Variants in CSF2RA observed in about 807,000 individuals in gnomAD.
CSF2RA encodes granulocyte-macrophage colony-stimulating factor receptor subunit alpha.
CSF2RA carries 42 observed loss-of-function variants against 51.6 expected under a neutral mutation model. The ratio of observed to expected loss-of-function variants is 0.81; its 90% CI spans 0.64 to 1.05. The LOEUF is 1.05. Ranked by LOEUF, CSF2RA falls within the 50% of genes least tolerant of loss-of-function variation. The pLI, the probability that CSF2RA is intolerant of heterozygous loss-of-function variation, is 0.00. For missense variants in CSF2RA, 530 were observed against 501.1 expected (o/e 1.06, Z -0.55); for synonymous variants, 222 against 193.0 (o/e 1.15, Z -1.24).
chrX:1,319,682 C>A, the CSF2RA span, among the ~76,000 whole-genome samples: 1 of 144,860 alleles, frequency 6.9e-6, no homozygotes, highest in Non-Finnish European at 1.5e-5. Flanking sequence ...TCCCAAAGTT[C>A]TGGAATTACA....
chrX:1,323,123 C>T, the CSF2RA span, among the ~76,000 whole-genome samples: 40 of 96,634 alleles, frequency 4.1e-4, no homozygotes, highest in African/African-American at 1.2e-3. Flanking sequence ...AGCGAGATTC[C>T]GTCTCAAAAA....
the CSF2RA span, among the ~76,000 whole-genome samples, chrX:1,315,546 C>T: frequency 2.5e-4 from 38 of 151,822 alleles, no homozygotes; most frequent in African/African-American, 7.5e-4. Flanking sequence ...TGAGATTACA[C>T]GTGTGCACCA....
chrX:1,292,793 C>T (rs1458596271), intron 7 of CSF2RA, among the ~76,000 whole-genome samples: 2 of 152,098 alleles, frequency 1.3e-5, no homozygotes, highest in African/African-American at 2.4e-5. Flanking sequence ...AGACGGAGGG[C>T]TTCCTCTTAT....
chrX:1,323,870 C>T, the CSF2RA span, among the ~76,000 whole-genome samples: 20 of 151,800 alleles, frequency 1.3e-4, no homozygotes, highest in East Asian at 3.9e-4. Context: ...AAAAATTAGC[C>T]GGGCGTGGTG....
At chrX:1,314,569 C>A (rs867364273), downstream of CSF2RA, among the ~76,000 whole-genome samples, 10 of 73,076 alleles carry the variant, frequency 1.4e-4, 1 homozygote, top group East Asian at 4.8e-4. Flanking sequence ...CCCAATCCCA[C>A]TGCACCTGCC....
At chrX:1,305,234 G>T (rs1467027820) in intron 11 of CSF2RA, among the ~76,000 whole-genome samples, 7 of 151,914 alleles carry the variant, frequency 4.6e-5, no homozygotes, top group Admixed American at 2.0e-4. Context: ...TGATCCACCC[G>T]CCTCGGCCTC....
intron 11 of CSF2RA, among the ~76,000 whole-genome samples, chrX:1,304,568 G>A (rs1203587255): frequency 6.6e-6 from 1 of 151,872 alleles, no homozygotes; most frequent in East Asian, 2.0e-4. Context: ...TGCTGTTGAA[G>A]GGCTGAGCTC....
chrX:1,276,590 T>G (rs1201381762), intron 2 of CSF2RA, among the ~76,000 whole-genome samples: 5 of 151,974 alleles, frequency 3.3e-5, no homozygotes, highest in Non-Finnish European at 2.9e-5. Context: ...TCCAGGCTGG[T>G]CTTGAACTCC....
chrX:1,314,431 CCGCACTGCACTTGCCCAAT>C (rs2084373050), downstream of CSF2RA, among the ~76,000 whole-genome samples: 2 of 149,684 alleles, frequency 1.3e-5, no homozygotes, highest in African/African-American at 5.0e-5. Context: ...ACCTGCCCAA[CCGCACTGCACTTGCCCAAT>C]TGCACTGCAC....
the CSF2RA span, among the ~76,000 whole-genome samples, chrX:1,319,449 G>A: frequency 1.9e-4 from 29 of 149,194 alleles, 2 homozygotes; most frequent in African/African-American, 6.3e-4. Flanking sequence ...CACCACACCC[G>A]GCTAATTTTT....
chrX:1,271,086 A>G (rs1351501430), intron 1 of CSF2RA, among the ~76,000 whole-genome samples: 3 of 151,912 alleles, frequency 2.0e-5, no homozygotes, highest in Non-Finnish European at 4.4e-5. Flanking sequence ...ATCTTAAGTT[A>G]CCACCCAGAT....
chrX:1,308,044 A>G (rs2083854157), intron 12 of CSF2RA, among the ~76,000 whole-genome samples: 1 of 148,704 alleles, frequency 6.7e-6, no homozygotes. Context: ...ACCCCTCTTC[A>G]GACCTTCAAC....
chrX:1,302,212 G>A (rs144796055), intron 10 of CSF2RA, among the ~76,000 whole-genome samples: 7,125 of 152,146 alleles, frequency 0.047, 337 homozygotes, highest in South Asian at 0.21. Context: ...CACCCTGCCC[G>A]TCCGGGGAAG....
At chrX:1,276,378 A>T (rs2089199115) in intron 2 of CSF2RA, among the ~76,000 whole-genome samples, 1 of 141,786 alleles carries the variant, frequency 7.1e-6, no homozygotes, top group Non-Finnish European at 1.6e-5. Flanking sequence ...TTATTTATTT[A>T]TTTTTAATTT....
At chrX:1,280,826 A>G (rs1301876172) in intron 2 of CSF2RA, among the ~76,000 whole-genome samples, 1 of 134,296 alleles carries the variant, frequency 7.4e-6, no homozygotes, top group Non-Finnish European at 1.5e-5. Context: ...CATACCGAGT[A>G]GCTTCTTTTC....
chrX:1,268,873 C>T lies in CSF2RA; in HGVS notation c.-97C>T, dbSNP rs1354952469. 3 of 453,790 alleles carry T rather than the reference C, an allele frequency of 6.6e-6. No individual in the cohort carries two copies. The highest frequency in any genetic ancestry group is 4.0e-5 in the African/African-American group (2 of 49,922). The allele number at this position is 453,790 out of a possible 1,614,324, so 28.1% of individuals were successfully genotyped here. A position where few individuals can be genotyped will look rare whatever the true frequency, so the allele number is the denominator to read the frequency against. ...AGGTGGAAGGAGAGGAAGCGGATGC[C>T]GTGGGGGTAAGCTAAGTTCTTTCCT... On this transcript the variant is annotated 5_prime_UTR_variant, in exon 1 of 13. Transcript: ENST00000381529.
In CSF2RA at chrX:1,309,560, C is replaced by A; in HGVS notation, c.*81C>A. On this transcript the variant is annotated 3_prime_UTR_variant, in exon 13 of 13. Transcript: ENST00000381529. ...CTGTTTTCTTGATGATGCTGTGAAC[C>A]TTTATATCATTTTCTATGTTTTTAT... 1.2e-6 allele frequency: 2 copies of A among 1,613,962 alleles called. No homozygotes were observed. The highest frequency in any genetic ancestry group is 8.5e-7 in the Non-Finnish European group (1 of 1,179,860).
At chrX:1,314,830 C>T (rs866777108), downstream of CSF2RA, among the ~76,000 whole-genome samples, 4 of 91,286 alleles carry the variant, frequency 4.4e-5, no homozygotes, top group African/African-American at 8.4e-5. Flanking sequence ...GCCTGCCCAA[C>T]CGCACTGCAC....
downstream of CSF2RA, among the ~76,000 whole-genome samples, chrX:1,314,298 C>CCG (rs1569514745): frequency 2.1e-4 from 22 of 105,542 alleles, 6 homozygotes; most frequent in Middle Eastern, 4.6e-3. Flanking sequence ...ATCTGCCCAA[C>CCG]CACTCTGTGC....
Sources: allele counts gnomAD v4.1 joint callset (sites outside exome capture counted in the v4.1 genomes callset), GRCh38; gene constraint gnomAD v4.1.1; transcripts MANE v1.5; gene names NCBI Gene and HGNC (gene_info 2026-07-23, HGNC 2026-07-21).